The following TNIP3 variants were observed in gnomAD, a reference collection of about 807,000 sequenced individuals.
TNIP3 encodes the protein TNFAIP3-interacting protein 3.
A neutral mutation model predicts 54.1 loss-of-function variants in TNIP3; 34 were observed. The observed-to-expected ratio is 0.63, with a 90% CI of 0.48 to 0.84. The LOEUF (loss-of-function observed/expected upper bound fraction) is 0.84, where lower values mean the gene tolerates loss of function less well. Among genes scored for constraint, TNIP3 ranks in the 40% least tolerant of loss-of-function variants. TNIP3 has a pLI of 0.00. For missense variants in TNIP3, 366 were observed against 387.6 expected (o/e 0.94, Z 0.47); for synonymous variants, 134 against 136.8 (o/e 0.98, Z 0.14).
At chr4:121,218,787 C>T (rs1317676255), upstream of TNIP3, among the ~76,000 whole-genome samples, 1 of 131,442 alleles carries the variant, frequency 7.6e-6, no homozygotes, top group Non-Finnish European at 1.5e-5. Flanking sequence ...AGCTGGGACT[C>T]CTGGGCTCAA....
At chr4:121,172,083 A>T (rs1022374579) in intron 3 of TNIP3, among the ~76,000 whole-genome samples, 1 of 152,164 alleles carries the variant, frequency 6.6e-6, no homozygotes, top group African/African-American at 2.4e-5. Context: ...AATTGCTTAC[A>T]TTGAACATCA....
At chr4:121,198,179 GA>G (rs1725702151) in intron 2 of TNIP3, among the ~76,000 whole-genome samples, 1 of 151,138 alleles carries the variant, frequency 6.6e-6, no homozygotes, top group Non-Finnish European at 1.5e-5. Flanking sequence ...ACTTGTAAGA[GA>G]AAGTAAGCAA....
At chr4:121,159,748 T>C (rs1222378735) in intron 2 of TNIP3, among the ~76,000 whole-genome samples, 2 of 152,272 alleles carry the variant, frequency 1.3e-5, no homozygotes, top group East Asian at 3.8e-4. Flanking sequence ...CTTAAGACTA[T>C]CTGCTAATTA....
chr4:121,151,246 A>G (rs1198684162), intron 5 of TNIP3, among the ~76,000 whole-genome samples: 1 of 152,154 alleles, frequency 6.6e-6, no homozygotes, highest in African/African-American at 2.4e-5. Context: ...TCTAAGAATA[A>G]TTTGCTTCTG....
intron 10 of TNIP3, among the ~76,000 whole-genome samples, chr4:121,137,187 A>G (rs1339432298): frequency 6.6e-6 from 1 of 152,218 alleles, no homozygotes; most frequent in African/African-American, 2.4e-5. Flanking sequence ...TTTATTTTCC[A>G]GTTATTAAAC....
intron 2 of TNIP3, among the ~76,000 whole-genome samples, chr4:121,201,993 C>T (rs1348842018): frequency 1.3e-5 from 2 of 152,134 alleles, no homozygotes; most frequent in African/African-American, 4.8e-5. Context: ...CAAAAGCAAT[C>T]TACAAATTCA....
intron 2 of TNIP3, among the ~76,000 whole-genome samples, chr4:121,186,266 A>C (rs1317562764): frequency 6.6e-6 from 1 of 152,170 alleles, no homozygotes; most frequent in East Asian, 1.9e-4. Context: ...AGTGGGCGTC[A>C]GTGTTGACCG....
intron 2 of TNIP3, among the ~76,000 whole-genome samples, chr4:121,185,521 C>T (rs765752281): frequency 1.2e-4 from 18 of 152,146 alleles, no homozygotes; most frequent in Admixed American, 6.5e-4. Context: ...AGAGGAAAGG[C>T]CTTTGTCTGT....
In TNIP3 at chr4:121,169,474, T is replaced by C. The variant is rs937683488; in HGVS notation, c.190-5328A>G. ...TCCATAACACTAAATTTTTTTCTTC[T>C]TTTTGTTGATTGCCTCCCGACACTA... On this transcript the variant is annotated intron_variant, in intron 3 of 12. Transcript: ENST00000507879. Among the ~76,000 whole-genome samples, 3 of 152,198 alleles carry C rather than the reference T, an allele frequency of 2.0e-5. No homozygotes were observed. The East Asian group carries it at 5.8e-4, about 29-fold the overall frequency.
rs759921362 is a variant in TNIP3, at chr4:121,157,139, G to C, written c.318C>G (p.Asp106Glu). Residue 106 changes from aspartate to glutamate, a missense_variant, in exon 4 of 11, where the codon GAC becomes GAG. Coordinates refer to ENST00000057513, the MANE Select transcript of TNIP3 (RefSeq NM_024873.6). ...CCCGGGTCAGGTCGCGCTGCCTGTC[G>C]TCCTCTCTCTGCCTGTCGTCCTTTC... ...RQRKDDRQRE[D>E]DRQRDLTRDR... 4.3e-6 allele frequency: 7 copies of C among 1,609,954 alleles called. No individual in the cohort carries two copies. The East Asian group carries it at 1.6e-4, about 36-fold the overall frequency.
chr4:121,174,680 A>G (rs1360055967), intron 3 of TNIP3, among the ~76,000 whole-genome samples: 1 of 152,224 alleles, frequency 6.6e-6, no homozygotes, highest in Non-Finnish European at 1.5e-5. Flanking sequence ...ACTGGAAAAA[A>G]AAAAGGAATA....
intron 7 of TNIP3, among the ~76,000 whole-genome samples, chr4:121,144,799 T>G (rs1283478863): frequency 6.6e-6 from 1 of 152,234 alleles, no homozygotes; most frequent in African/African-American, 2.4e-5. Context: ...TAAAAGAGGT[T>G]AAGGAACTTA....
chr4:121,206,538 T>TTGTGTGTG (rs140121953), intron 2 of TNIP3, among the ~76,000 whole-genome samples: 3 of 151,468 alleles, frequency 2.0e-5, no homozygotes, highest in Non-Finnish European at 2.9e-5. Flanking sequence ...TTTGTATATA[T>TTGTGTGTG]TGTGTGTGTG....
chr4:121,152,817 A>G (rs1002801973), intron 5 of TNIP3, among the ~76,000 whole-genome samples: 1 of 152,206 alleles, frequency 6.6e-6, no homozygotes, highest in Non-Finnish European at 1.5e-5. Flanking sequence ...AAGAGAAATT[A>G]AACATAAACA....
chr4:121,181,039 T>A (rs546205865), intron 3 of TNIP3, among the ~76,000 whole-genome samples: 1 of 152,038 alleles, frequency 6.6e-6, no homozygotes, highest in Non-Finnish European at 1.5e-5. Flanking sequence ...CGTAGGAAAA[T>A]CAGTATCTTA....
At chr4:121,159,218 G>T (rs1301455791) in intron 2 of TNIP3, among the ~76,000 whole-genome samples, 1 of 151,946 alleles carries the variant, frequency 6.6e-6, no homozygotes, top group African/African-American at 2.4e-5. Flanking sequence ...ACTCCATCCT[G>T]GGCGACAGAG....
intron 2 of TNIP3, among the ~76,000 whole-genome samples, chr4:121,204,225 C>T (rs1349561891): frequency 6.6e-6 from 1 of 152,142 alleles, no homozygotes; most frequent in African/African-American, 2.4e-5. Flanking sequence ...AAACCTGCTT[C>T]CCAATCTATT....
chr4:121,224,688 T>C (rs1443457971), intron 1 of TNIP3, among the ~76,000 whole-genome samples: 1 of 152,220 alleles, frequency 6.6e-6, no homozygotes, highest in Non-Finnish European at 1.5e-5. Flanking sequence ...TTAAATGATT[T>C]TAGGTATTTC....
In TNIP3 at chr4:121,157,216, C is replaced by A. The variant is rs778120584; in HGVS notation, c.241G>T (p.Ala81Ser). ...KVAELKTKLD[A>S]AERFLSTREK... ...CGCGTGCTGAGGAATCTTTCCGCGG[C>A]GTCCAGTTTCGTCTTCAGCTCTGCT... is the stretch of plus-strand genomic sequence containing the variant. The change falls in exon 4 of 11, where the codon GCC becomes TCC. Residue 81 changes from alanine (A) to serine (S), a missense_variant. By Grantham distance (99) the Ala-to-Ser change is moderately conservative. Coordinates refer to ENST00000057513, the MANE Select transcript of TNIP3 (RefSeq NM_024873.6). 1 of 1,614,146 alleles carries A rather than the reference C, an allele frequency of 6.2e-7. No individual in the cohort carries two copies.
Sources: allele counts gnomAD v4.1 joint callset (sites outside exome capture counted in the v4.1 genomes callset), GRCh38; gene constraint gnomAD v4.1.1; transcripts MANE v1.5; gene names NCBI Gene and HGNC (gene_info 2026-07-23, HGNC 2026-07-21).